The following TAFA1 variants were observed in gnomAD, a reference collection of about 807,000 sequenced individuals.
TAFA1 encodes TAFA chemokine like family member 1, also known as chemokine-like protein TAFA-1.
TAFA1 carries 4 observed loss-of-function variants against 18.5 expected under a neutral mutation model. The ratio of observed to expected loss-of-function variants is 0.22; its 90% CI spans 0.11 to 0.49. The LOEUF (loss-of-function observed/expected upper bound fraction) is 0.49, where lower values mean the gene tolerates loss of function less well. Among genes scored for constraint, TAFA1 ranks in the 20% least tolerant of loss-of-function variants. The pLI is 0.98. For synonymous variants in TAFA1, 56 were observed against 55.2 expected (o/e 1.01, Z -0.06); for missense variants, 147 against 169.0 (o/e 0.87, Z 0.72).
At chr3:68,087,338 A>C (rs909384068) in intron 2 of TAFA1, among the ~76,000 whole-genome samples, 3 of 152,192 alleles carry the variant, frequency 2.0e-5, no homozygotes, top group African/African-American at 7.2e-5. Flanking sequence ...GTTAGAGGAC[A>C]TGAGGTTGCC....
intron 2 of TAFA1, among the ~76,000 whole-genome samples, chr3:68,189,969 A>G (rs917309636): frequency 3.3e-5 from 5 of 151,886 alleles, no homozygotes; most frequent in African/African-American, 9.7e-5. Context: ...TGGTGAGGAT[A>G]AATTAGAACA....
chr3:68,429,965 T>C (rs2071137088), intron 3 of TAFA1, among the ~76,000 whole-genome samples: 1 of 151,978 alleles, frequency 6.6e-6, no homozygotes, highest in African/African-American at 2.4e-5. Context: ...CATTCATTCA[T>C]TCAGCAATTA....
At chr3:68,505,303 C>G (rs1414209356) in intron 3 of TAFA1, among the ~76,000 whole-genome samples, 1 of 152,122 alleles carries the variant, frequency 6.6e-6, no homozygotes, top group South Asian at 2.1e-4. Flanking sequence ...AGCTTTTTAT[C>G]TTTTAACAGC....
Position 68,498,722 on chromosome 3 carries a change from C to CTTTT in TAFA1, c.260-40002_260-39999dup, listed in dbSNP as rs34030223. ...AATTCCTCCCAAAGCCGTTTGGTGG[C>CTTTT]TTTTTTTTTTTTTTTTTTTTTTTTT... On this transcript the variant is annotated intron_variant, in intron 3 of 4. Transcript: ENST00000478136. Among the ~76,000 whole-genome samples, 115 of 97,000 alleles carry CTTTT rather than the reference C, an allele frequency of 1.2e-3. 7 individuals carry two copies. The highest frequency in any genetic ancestry group is 4.6e-3 in the African/African-American group (96 of 20,870). The allele number at this position is 97,000 out of a possible 152,430, so 63.6% of individuals were successfully genotyped here.
intron 2 of TAFA1, among the ~76,000 whole-genome samples, chr3:68,026,897 G>T (rs1704828382): frequency 6.6e-6 from 1 of 152,160 alleles, no homozygotes; most frequent in African/African-American, 2.4e-5. Flanking sequence ...GGTTCTGCAG[G>T]CTATATAGGA....
rs556077386 is a variant in TAFA1, at chr3:68,064,029, C to T, written c.118+57285C>T. On this transcript the variant is annotated intron_variant, in intron 2 of 4. Coordinates refer to ENST00000478136, the MANE Select transcript of TAFA1 (RefSeq NM_213609.4). The stretch of plus-strand genomic sequence containing the variant: ...TTACAGGAATTCAGCTGGAATCCTA[C>T]ATTACTCTGCAACAGAATAAAAAAC... 1.9e-4 allele frequency among the ~76,000 whole-genome samples: 29 copies of T among 152,264 alleles called. No homozygotes were observed. The East Asian group carries it at 5.6e-3, about 29-fold the overall frequency.
intron 2 of TAFA1, among the ~76,000 whole-genome samples, chr3:68,233,161 A>G (rs911620564): frequency 6.6e-6 from 1 of 151,964 alleles, no homozygotes; most frequent in Non-Finnish European, 1.5e-5. Context: ...TTTTTGAGAA[A>G]TTTCTCTTCA....
intron 2 of TAFA1, among the ~76,000 whole-genome samples, chr3:68,236,557 G>T: frequency 6.6e-6 from 1 of 152,308 alleles, no homozygotes; most frequent in Admixed American, 6.5e-5. Context: ...GGAGACAGAC[G>T]TTCGCTAACC....
chr3:68,362,980 C>CTTTTTTTT (rs10681792), intron 2 of TAFA1, among the ~76,000 whole-genome samples: 20 of 75,008 alleles, frequency 2.7e-4, no homozygotes, highest in African/African-American at 3.4e-4. Context: ...GTCTTGCAGG[C>CTTTTTTTT]TTTTTTTTTT....
At chr3:68,475,845 C>T (rs959236687) in intron 3 of TAFA1, among the ~76,000 whole-genome samples, 21 of 152,128 alleles carry the variant, frequency 1.4e-4, no homozygotes, top group East Asian at 5.8e-4. Flanking sequence ...TTTTAATGAT[C>T]GCCATTCTAA....
At chr3:68,539,002 C>A in intron 4 of TAFA1, 122 bp downstream of exon 4, 2 of 1,006,918 alleles carry the variant, frequency 2.0e-6, no homozygotes, top group Non-Finnish European at 2.9e-6. Flanking sequence ...TGACAGAAAG[C>A]ATTCTGAACT....
chr3:68,458,355 A>C (rs541528423), intron 3 of TAFA1, among the ~76,000 whole-genome samples: 1 of 152,310 alleles, frequency 6.6e-6, no homozygotes, highest in African/African-American at 2.4e-5. Context: ...ACCCAGTCTC[A>C]GGTAGTTTTA....
chr3:68,360,159 A>G (rs1180829423), intron 2 of TAFA1, among the ~76,000 whole-genome samples: 7 of 151,962 alleles, frequency 4.6e-5, no homozygotes, highest in Admixed American at 6.6e-5. Flanking sequence ...ATGCCTCCTC[A>G]TGCTAAATGT....
At chr3:68,264,631 A>G (rs1156858163) in intron 2 of TAFA1, among the ~76,000 whole-genome samples, 1 of 150,636 alleles carries the variant, frequency 6.6e-6, no homozygotes, top group Non-Finnish European at 1.5e-5. Flanking sequence ...GTAGAAGTAA[A>G]CTAGCATTAC....
chr3:68,331,856 CTTTTTTTTTTTTTT>C (rs60291932), intron 2 of TAFA1, among the ~76,000 whole-genome samples: 1 of 76,198 alleles, frequency 1.3e-5, no homozygotes, highest in Non-Finnish European at 2.3e-5. Context: ...CTTTTCTTTT[CTTTTTTTTTTTTTT>C]TTTTTTTTTT....
chr3:68,170,002 A>G (rs559253971), intron 2 of TAFA1, among the ~76,000 whole-genome samples: 4 of 152,200 alleles, frequency 2.6e-5, no homozygotes, highest in Non-Finnish European at 5.9e-5. Context: ...AGGCAATGAG[A>G]ACACTTGCAA....
chr3:68,309,001 T>G (rs1412195180), intron 2 of TAFA1, among the ~76,000 whole-genome samples: 1 of 152,192 alleles, frequency 6.6e-6, no homozygotes, highest in African/African-American at 2.4e-5. Context: ...GAAGCCAAGC[T>G]GGTTCCTGCT....
chr3:68,154,953 C>T (rs1409289838), intron 2 of TAFA1, among the ~76,000 whole-genome samples: 1 of 152,050 alleles, frequency 6.6e-6, no homozygotes, highest in Admixed American at 6.5e-5. Flanking sequence ...TAAAATTTTG[C>T]CATAAATAAA....
At chr3:68,212,537 T>A (rs112900591) in intron 2 of TAFA1, among the ~76,000 whole-genome samples, 5 of 152,150 alleles carry the variant, frequency 3.3e-5, no homozygotes, top group African/African-American at 1.2e-4. Flanking sequence ...CCCCCTGCAA[T>A]GAGCAGTCAC....
Sources: gnomAD v4.1 joint callset for allele counts (sites outside exome capture counted in the v4.1 genomes callset) on GRCh38, gnomAD v4.1.1 for gene constraint, MANE v1.5 for transcripts, NCBI Gene and HGNC (gene_info 2026-07-23, HGNC 2026-07-21) for gene names.